Variants in DLG2 observed in about 807,000 individuals in gnomAD.
DLG2 encodes the protein discs large MAGUK scaffold protein 2, also known as disks large homolog 2.
A neutral mutation model predicts 132.5 loss-of-function variants in DLG2; 45 were observed. That is an observed-to-expected ratio of 0.34 (90% CI 0.27 to 0.44). The LOEUF is 0.44. Ranked by LOEUF, DLG2 falls within the 20% of genes least tolerant of loss-of-function variation. DLG2 has a pLI of 1.00. For missense variants in DLG2, 1,045 were observed against 1,196.9 expected (o/e 0.87, Z 1.87); for synonymous variants, 424 against 419.6 (o/e 1.01, Z -0.13).
In DLG2 at chr11:83,546,169, C is replaced by A. The variant is rs148819791; in HGVS notation, c.1941-4311G>T. On this transcript the variant is annotated intron_variant, in intron 19 of 27. Transcript: ENST00000376104. ...GAAGAGTGAAGCAGCTGCTCATCCTCATGACTATGCAACATGGCTGTGAGA... is the reference window on the plus strand; with the variant it reads ...GAAGAGTGAAGCAGCTGCTCATCCTAATGACTATGCAACATGGCTGTGAGA... 8.6e-3 allele frequency among the ~76,000 whole-genome samples: 1,302 copies of A among 152,238 alleles called. 6 individuals carry two copies. Among genetic ancestry groups the A allele is most frequent in the Non-Finnish European group, 0.015 (999 of 68,006 alleles).
At chr11:84,963,442 C>T (rs1176752400) in intron 6 of DLG2, among the ~76,000 whole-genome samples, 2 of 142,042 alleles carry the variant, frequency 1.4e-5, no homozygotes. Flanking sequence ...CTATAGACTG[C>T]CTCCTGGCTG....
intron 11 of DLG2, among the ~76,000 whole-genome samples, chr11:84,007,223 G>A (rs1237930295): frequency 6.6e-6 from 1 of 151,658 alleles, no homozygotes; most frequent in African/African-American, 2.4e-5. Context: ...ACTCATTATG[G>A]TTCAGATTTA....
At chr11:84,182,116 C>A (rs2096147732) in intron 8 of DLG2, among the ~76,000 whole-genome samples, 1 of 152,060 alleles carries the variant, frequency 6.6e-6, no homozygotes, top group Admixed American at 6.6e-5. Flanking sequence ...CAGGATAGAC[C>A]AAATTCTAAG....
Position 85,172,396 on chromosome 11 carries a change from A to G in DLG2, c.187-17745T>C, listed in dbSNP as rs538264417. Among the ~76,000 whole-genome samples the G allele has an allele frequency of 3.3e-5, 5 of 152,366 alleles. No individual in the cohort carries two copies. The South Asian group carries it at 1.0e-3, about 32-fold the overall frequency. On this transcript the variant is annotated intron_variant, in intron 4 of 27. Transcript: ENST00000376104. The stretch of plus-strand genomic sequence containing the variant: ...AGAAGAGTGGCCTGAATGTTAAAAG[A>G]AAAACAAACAGAAAGCTACAACAAC...
chr11:85,324,828 G>A (rs1001585769), intron 3 of DLG2, among the ~76,000 whole-genome samples: 5 of 151,856 alleles, frequency 3.3e-5, no homozygotes, highest in Non-Finnish European at 7.4e-5. Context: ...CGACGCAGAA[G>A]ACGGGTGATT....
intron 5 of DLG2, among the ~76,000 whole-genome samples, chr11:85,131,172 T>A (rs1002331465): frequency 2.0e-5 from 3 of 152,152 alleles, no homozygotes; most frequent in African/African-American, 7.2e-5. Context: ...TAAGTAAATA[T>A]AAGGCATATG....
At chr11:84,086,455 A>G (rs1479143584) in intron 10 of DLG2, among the ~76,000 whole-genome samples, 1 of 144,650 alleles carries the variant, frequency 6.9e-6, no homozygotes, top group Non-Finnish European at 1.5e-5. Context: ...AATTTTAAAC[A>G]TTTTCTTTCT....
At chr11:84,139,061 G>T (rs1184687857) in intron 9 of DLG2, among the ~76,000 whole-genome samples, 1 of 151,918 alleles carries the variant, frequency 6.6e-6, no homozygotes, top group African/African-American at 2.4e-5. Context: ...CTTTTATCAG[G>T]TTTGTATCAT....
chr11:84,170,599 G>T (rs537329303), intron 8 of DLG2, among the ~76,000 whole-genome samples: 1 of 152,322 alleles, frequency 6.6e-6, no homozygotes, highest in East Asian at 1.9e-4. Context: ...GATGAGCTGA[G>T]TGTGTTCATG....
intron 21 of DLG2, among the ~76,000 whole-genome samples, chr11:83,508,790 C>G (rs2094865346): frequency 6.6e-6 from 1 of 152,134 alleles, no homozygotes; most frequent in Non-Finnish European, 1.5e-5. Flanking sequence ...GCCCAGCCGG[C>G]AAGTGGCAGA....
At chr11:84,328,385 T>C (rs2098443252) in intron 7 of DLG2, among the ~76,000 whole-genome samples, 1 of 152,110 alleles carries the variant, frequency 6.6e-6, no homozygotes, top group South Asian at 2.1e-4. Context: ...TTTAAAAAGA[T>C]AATTAAAACA....
At chr11:83,678,716 T>C (rs1046193767) in intron 18 of DLG2, among the ~76,000 whole-genome samples, 7 of 152,202 alleles carry the variant, frequency 4.6e-5, no homozygotes, top group African/African-American at 1.7e-4. Flanking sequence ...GCCCATCCTC[T>C]TGGCCTACAG....
intron 7 of DLG2, among the ~76,000 whole-genome samples, chr11:84,439,481 C>A (rs936270353): frequency 2.0e-5 from 3 of 151,596 alleles, no homozygotes; most frequent in Non-Finnish European, 4.4e-5. Flanking sequence ...TTTGGTTTTT[C>A]CATTAGCTAT....
intron 6 of DLG2, among the ~76,000 whole-genome samples, chr11:84,629,087 C>T (rs2154543488): frequency 6.6e-6 from 1 of 152,250 alleles, no homozygotes; most frequent in East Asian, 1.9e-4. Flanking sequence ...TCCTTCCTTT[C>T]CTGCAACTGC....
At chr11:84,314,552 T>C (rs1167174240) in intron 7 of DLG2, among the ~76,000 whole-genome samples, 2 of 152,196 alleles carry the variant, frequency 1.3e-5, no homozygotes, top group East Asian at 3.9e-4. Flanking sequence ...CATATATCAG[T>C]AGTTTTGAGG....
intron 6 of DLG2, among the ~76,000 whole-genome samples, chr11:84,978,032 T>C (rs923381187): frequency 7.2e-5 from 11 of 152,098 alleles, no homozygotes; most frequent in African/African-American, 1.9e-4. Flanking sequence ...TTTGAGTTGG[T>C]AAAAATTCCC....
chr11:85,354,161 T>A (rs907492592), intron 3 of DLG2, among the ~76,000 whole-genome samples: 8 of 152,164 alleles, frequency 5.3e-5, no homozygotes, highest in African/African-American at 1.9e-4. Context: ...ATAAAGGAGA[T>A]AAAAAAGTGA....
At chr11:85,432,533 A>G (rs1447959370) in intron 3 of DLG2, among the ~76,000 whole-genome samples, 2 of 152,106 alleles carry the variant, frequency 1.3e-5, no homozygotes, top group Non-Finnish European at 2.9e-5. Context: ...GAACTTCAAG[A>G]AAAAATACAC....
In DLG2 at chr11:84,889,644, A is replaced by T. The variant is rs182093043; in HGVS notation, c.357+222017T>A. 2.4e-3 allele frequency among the ~76,000 whole-genome samples: 369 copies of T among 152,296 alleles called. 1 individual carries two copies. Among genetic ancestry groups the T allele is most frequent in the African/African-American group, 8.5e-3 (353 of 41,572 alleles). On this transcript the variant is annotated intron_variant, in intron 6 of 27. Transcript: ENST00000376104. ...AAGCCCTGTGCTAATTTAATTTTTT[A>T]AATTAAATTAAAACTGCATAATTCA...
Sources: gnomAD v4.1 joint callset for allele counts (sites outside exome capture counted in the v4.1 genomes callset) on GRCh38, gnomAD v4.1.1 for gene constraint, MANE v1.5 for transcripts, NCBI Gene and HGNC (gene_info 2026-07-23, HGNC 2026-07-21) for gene names.